Variants in EHMT1 observed in about 807,000 individuals in gnomAD.
The protein encoded by EHMT1 is histone-lysine N-methyltransferase EHMT1.
In EHMT1, 15 loss-of-function variants were observed where a neutral mutation model predicts 147.2. That is an observed-to-expected ratio of 0.10 (90% CI 0.07 to 0.16). The LOEUF is 0.16. Among genes scored for constraint, EHMT1 ranks in the 10% least tolerant of loss-of-function variants. The pLI, the probability that EHMT1 is intolerant of heterozygous loss-of-function variation, is 1.00. For synonymous variants in EHMT1, 795 were observed against 709.6 expected, an observed-to-expected ratio of 1.12 and a Z score of -1.91; for missense variants, 1,587 against 1,772.4, an observed-to-expected ratio of 0.90 and a Z score of 1.88.
intron 3 of EHMT1, among the ~76,000 whole-genome samples, chr9:137,724,166 A>C (rs1034556528): frequency 3.3e-5 from 5 of 152,144 alleles, no homozygotes; most frequent in Admixed American, 6.5e-5. Context: ...TTGCTGGGAG[A>C]GAGGTGGTGC....
At chr9:137,783,710 G>GTC (rs990177549) in intron 15 of EHMT1, among the ~76,000 whole-genome samples, 2 of 152,148 alleles carry the variant, frequency 1.3e-5, no homozygotes, top group African/African-American at 4.8e-5. Flanking sequence ...GACTGCACCT[G>GTC]TCTCTGCCTT....
chr9:137,723,567 G>A (rs1238835610), intron 3 of EHMT1, among the ~76,000 whole-genome samples: 1 of 149,600 alleles, frequency 6.7e-6, no homozygotes, highest in Non-Finnish European at 1.5e-5. Flanking sequence ...GTCCGTGTCT[G>A]TGGTTCTGGG....
At chr9:137,799,899 G>GT (rs1231057535) in intron 17 of EHMT1, among the ~76,000 whole-genome samples, 2 of 152,242 alleles carry the variant, frequency 1.3e-5, no homozygotes, top group Admixed American at 6.5e-5. Flanking sequence ...TCTCTCTGAC[G>GT]TTGTACCCTC....
intron 15 of EHMT1, chr9:137,784,143 T>C: frequency 6.5e-7 from 1 of 1,547,172 alleles, no homozygotes; most frequent in South Asian, 1.2e-5. Flanking sequence ...AGGGGCTGCC[T>C]TTGGTGACTT....
intron 1 of EHMT1, among the ~76,000 whole-genome samples, chr9:137,648,072 A>G (rs995421539): frequency 1.3e-5 from 2 of 152,156 alleles, no homozygotes; most frequent in African/African-American, 4.8e-5. Context: ...TGGCATTACT[A>G]TAGAATGGCT....
intron 1 of EHMT1, among the ~76,000 whole-genome samples, chr9:137,696,785 C>T (rs1943429761): frequency 6.6e-6 from 1 of 152,180 alleles, no homozygotes. Context: ...AGTTGACACA[C>T]CCCTCCCAAA....
At chr9:137,704,147 C>T (rs1271381029) in intron 1 of EHMT1, among the ~76,000 whole-genome samples, 1 of 152,202 alleles carries the variant, frequency 6.6e-6, no homozygotes, top group African/African-American at 2.4e-5. Context: ...CCCCCATGAT[C>T]CAGTTACCTC....
chr9:137,669,248 C>CTCGCCCA (rs1940116753), intron 1 of EHMT1, among the ~76,000 whole-genome samples: 1 of 152,002 alleles, frequency 6.6e-6, no homozygotes, highest in South Asian at 2.1e-4. Flanking sequence ...CTGCACCCTT[C>CTCGCCCA]TCGCCCAGTG....
chr9:137,807,965 C>T (rs1954090231), intron 18 of EHMT1, among the ~76,000 whole-genome samples: 2 of 152,180 alleles, frequency 1.3e-5, no homozygotes, highest in Admixed American at 1.3e-4. Context: ...GTGGGTTTTG[C>T]AAAACTTGTA....
Position 137,776,546 on chromosome 9 carries a change from T to C in EHMT1, c.1792-72T>C. The stretch of plus-strand genomic sequence containing the variant: ...CCCGATGTGGGATGCGGTGCCAGTT[T>C]AGTAGTACTTTATTTTTCTAAATAT... On this transcript the variant is annotated intron_variant, in intron 11 of 26. Coordinates refer to ENST00000460843, the MANE Select transcript of EHMT1 (RefSeq NM_024757.5). The surrounding 1 kb of genome is among the most constrained non-coding windows in gnomAD (Gnocchi z 4.4). 1 of 1,497,310 alleles carries C rather than the reference T, an allele frequency of 6.7e-7. No homozygotes were observed. Among genetic ancestry groups the C allele is most frequent in the Admixed American group, 1.7e-5 (1 of 57,348 alleles). The allele number at this position is 1,497,310 out of a possible 1,614,324, so 92.8% of individuals were successfully genotyped here.
intron 25 of EHMT1, among the ~76,000 whole-genome samples, chr9:137,823,900 T>C (rs1388506897): frequency 6.6e-6 from 1 of 152,252 alleles, no homozygotes; most frequent in Non-Finnish European, 1.5e-5. Flanking sequence ...TCTTGAGTTG[T>C]AGGAGCTCTT....
intron 25 of EHMT1, among the ~76,000 whole-genome samples, chr9:137,826,068 T>C (rs1163931907): frequency 1.3e-5 from 2 of 151,818 alleles, no homozygotes; most frequent in East Asian, 1.9e-4. Context: ...TTATATGCTA[T>C]TGTTACTGGA....
intron 1 of EHMT1, among the ~76,000 whole-genome samples, chr9:137,652,612 CTG>C (rs1329549362): frequency 6.6e-6 from 1 of 152,024 alleles, no homozygotes; most frequent in Non-Finnish European, 1.5e-5. Context: ...TCTTGAACTC[CTG>C]ACCTCAGGTG....
At chr9:137,831,562 T>A (rs1956189424) in intron 25 of EHMT1, among the ~76,000 whole-genome samples, 1 of 152,254 alleles carries the variant, frequency 6.6e-6, no homozygotes. Context: ...TTCCGTTGGA[T>A]TCTTTTTCTG....
intron 10 of EHMT1, 128 bp from the exon 11 acceptor site, chr9:137,774,981 A>G: frequency 7.3e-7 from 1 of 1,365,576 alleles, no homozygotes; most frequent in South Asian, 1.2e-5. Flanking sequence ...CTGGCCTTGC[A>G]GGGCTCGGCT....
At chr9:137,795,761 A>G (rs1464321182) in intron 16 of EHMT1, among the ~76,000 whole-genome samples, 1 of 152,182 alleles carries the variant, frequency 6.6e-6, no homozygotes, top group Non-Finnish European at 1.5e-5. Context: ...GTGGAATCAC[A>G]CTGTTGTAAA....
chr9:137,834,111 C>A lies in EHMT1; in HGVS notation c.3541-238C>A. The A allele has an allele frequency of 5.0e-6, 3 of 599,950 alleles. No individual in the cohort carries two copies. In the South Asian group the frequency reaches 5.9e-5, roughly 12 times the overall value. The allele number at this position is 599,950 out of a possible 1,614,324, so 37.2% of individuals were successfully genotyped here. A position where few individuals can be genotyped will look rare whatever the true frequency, so the allele number is the denominator to read the frequency against. On this transcript the variant is annotated intron_variant, in intron 25 of 26. Transcript: ENST00000460843. ...AGGGAACGGCCCGCACCACCCCCAC[C>A]CCACCACAGACGGAGGCCCAGCGAG...
chr9:137,664,250 A>G (rs1939388192), intron 1 of EHMT1, among the ~76,000 whole-genome samples: 1 of 151,228 alleles, frequency 6.6e-6, no homozygotes, highest in African/African-American at 2.4e-5. Context: ...TTGCCCCCAG[A>G]GAGATTTTAT....
chr9:137,636,827 GTAT>G (rs1249447705), intron 1 of EHMT1, among the ~76,000 whole-genome samples: 1 of 150,722 alleles, frequency 6.6e-6, no homozygotes, highest in Non-Finnish European at 1.5e-5. Context: ...TTCATAAGTG[GTAT>G]TATGTTGGTC....
Sources: allele counts gnomAD v4.1 joint callset (sites outside exome capture counted in the v4.1 genomes callset), GRCh38; gene constraint gnomAD v4.1.1; non-coding constraint Gnocchi (gnomAD v3.1); transcripts MANE v1.5; gene names NCBI Gene and HGNC (gene_info 2026-07-23, HGNC 2026-07-21).